Variants in GDNF observed in about 807,000 individuals in gnomAD.
GDNF encodes the protein glial cell derived neurotrophic factor.
Under a neutral mutation model 13.7 loss-of-function variants are expected in GDNF, and 5 were observed. The ratio of observed to expected loss-of-function variants is 0.36; its 90% CI spans 0.19 to 0.77. The LOEUF (loss-of-function observed/expected upper bound fraction) is 0.77, where lower values mean the gene tolerates loss of function less well. GDNF is among the 30% of genes least tolerant of loss of function. The pLI, the probability that GDNF is intolerant of heterozygous loss-of-function variation, is 0.51. For missense variants in GDNF, 246 were observed against 274.3 expected (o/e 0.90, Z 0.73); for synonymous variants, 122 against 112.5 (o/e 1.08, Z -0.53).
intron 2 of GDNF, among the ~76,000 whole-genome samples, chr5:37,831,547 G>C (rs1238940060): frequency 1.3e-5 from 2 of 152,148 alleles, no homozygotes; most frequent in Non-Finnish European, 2.9e-5. Context: ...TAAATCATTA[G>C]TTCAAGACCT....
intron 2 of GDNF, among the ~76,000 whole-genome samples, chr5:37,830,394 A>G (rs1237478662): frequency 2.6e-5 from 4 of 152,114 alleles, no homozygotes; most frequent in Non-Finnish European, 5.9e-5. Flanking sequence ...TGGGCTTGGA[A>G]ACTGGGGAAG....
intron 2 of GDNF, among the ~76,000 whole-genome samples, chr5:37,822,465 G>C (rs1750173820): frequency 6.6e-6 from 1 of 152,192 alleles, no homozygotes; most frequent in African/African-American, 2.4e-5. Context: ...GTGGCCAGAT[G>C]GTGGGGCTCA....
intron 1 of GDNF, chr5:37,835,293 G>A (rs968387896): frequency 2.4e-5 from 11 of 456,056 alleles, no homozygotes; most frequent in African/African-American, 2.0e-4. Context: ...GCCCAAGCAA[G>A]GACGGTGTTT....
rs79174336 is a variant in GDNF, at chr5:37,812,861, C to T, written c.*2790G>A. The T allele has an allele frequency of 2.6e-5, 4 of 152,314 alleles. No individual in the cohort carries two copies. Among genetic ancestry groups the T allele is most frequent in the East Asian group, 3.9e-4 (2 of 5,186 alleles). 9.4% of individuals were successfully genotyped at this position (152,314 alleles called of 1,614,324 possible). A position where few individuals can be genotyped will look rare whatever the true frequency, so the allele number is the denominator to read the frequency against. ...CGCAATGATAAAGAAAAATCACAAA[C>T]TTTACCCTTTTGTGGATTTGGTGGA... On this transcript the variant is annotated 3_prime_UTR_variant, in exon 3 of 3. Coordinates refer to ENST00000326524, the MANE Select transcript of GDNF (RefSeq NM_000514.4).
chr5:37,837,528 G>T lies in GDNF; in HGVS notation c.-27+1979C>A, dbSNP rs1157418184. Among the ~76,000 whole-genome samples the T allele has an allele frequency of 6.6e-6, 1 of 152,190 alleles. No homozygotes were observed. Among genetic ancestry groups the T allele is most frequent in the Non-Finnish European group, 1.5e-5 (1 of 68,034 alleles). ...CACAGAAGTGCTCGCAGAAGCAGCCGCTCGCCGCGAGGCACTTCTGAGTTC... is the reference window on the plus strand; with the variant it reads ...CACAGAAGTGCTCGCAGAAGCAGCCTCTCGCCGCGAGGCACTTCTGAGTTC... On this transcript the variant is annotated intron_variant, in intron 1 of 2. Coordinates refer to ENST00000326524, the MANE Select transcript of GDNF (RefSeq NM_000514.4). The surrounding 1 kb of genome is among the most constrained non-coding windows in gnomAD (Gnocchi z 6.5).
chr5:37,815,518 TCC>T lies in GDNF; in HGVS notation c.*131_*132del. On this transcript the variant is annotated 3_prime_UTR_variant, in exon 3 of 3. Transcript: ENST00000326524. The surrounding 1 kb of genome is among the most constrained non-coding windows in gnomAD (Gnocchi z 5.0). ...CTCCTCCTCCTCCTCCTCCTCCTCC[TCC>T]TCTTCTTCTTCCTCCTCCTCCGCCT... The T allele has an allele frequency of 1.4e-5, 11 of 791,892 alleles. No homozygotes were observed. The highest frequency in any genetic ancestry group is 6.0e-5 in the Admixed American group (3 of 50,106). 49.1% of individuals were successfully genotyped at this position (791,892 alleles called of 1,614,324 possible).
intron 2 of GDNF, among the ~76,000 whole-genome samples, chr5:37,829,861 T>C (rs1750457959): frequency 6.6e-6 from 1 of 152,192 alleles, no homozygotes; most frequent in African/African-American, 2.4e-5. Context: ...AATGAGAATA[T>C]TGGTCTCAGA....
intron 2 of GDNF, among the ~76,000 whole-genome samples, chr5:37,829,893 C>A (rs921979528): frequency 2.0e-5 from 3 of 152,140 alleles, no homozygotes; most frequent in African/African-American, 4.8e-5. Context: ...GAATCAGTGC[C>A]TCCTACAAGA....
At chr5:37,818,655 T>C (rs1035616857) in intron 2 of GDNF, among the ~76,000 whole-genome samples, 16 of 152,150 alleles carry the variant, frequency 1.1e-4, no homozygotes, top group African/African-American at 3.9e-4. Context: ...GGCAACACCA[T>C]CCCTTGAGAA....
chr5:37,819,285 C>A (rs1174056155), intron 2 of GDNF, among the ~76,000 whole-genome samples: 1 of 152,104 alleles, frequency 6.6e-6, no homozygotes, highest in Non-Finnish European at 1.5e-5. Context: ...TCATTGCCCA[C>A]CAGAGAGCTG....
At chr5:37,836,330 AC>A in intron 1 of GDNF, among the ~76,000 whole-genome samples, 1 of 151,306 alleles carries the variant, frequency 6.6e-6, no homozygotes, top group East Asian at 2.0e-4. Flanking sequence ...TCTACCCGGA[AC>A]CCCACTCCCT....
intron 2 of GDNF, among the ~76,000 whole-genome samples, chr5:37,825,549 TAAC>T: frequency 6.6e-6 from 1 of 152,236 alleles, no homozygotes; most frequent in East Asian, 1.9e-4. Flanking sequence ...ATAAAAAACT[TAAC>T]AGGGAAGGGT....
chr5:37,835,557 T>G, intron 1 of GDNF: 2 of 1,475,896 alleles, frequency 1.4e-6, no homozygotes, highest in South Asian at 1.2e-5. Flanking sequence ...TCCTCCCACC[T>G]CTTAAAGTTA....
chr5:37,823,015 A>T (rs1280499525), intron 2 of GDNF, among the ~76,000 whole-genome samples: 1 of 152,266 alleles, frequency 6.6e-6, no homozygotes, highest in Non-Finnish European at 1.5e-5. Context: ...AACTTAGATA[A>T]GAGCTTCCTT....
At chr5:37,836,348 G>A (rs1750703280) in intron 1 of GDNF, among the ~76,000 whole-genome samples, 1 of 152,048 alleles carries the variant, frequency 6.6e-6, no homozygotes, top group African/African-American at 2.4e-5. Context: ...CCCTGTCCCG[G>A]TGCAGGCAAC....
chr5:37,814,341 A>C lies in GDNF; in HGVS notation c.*1310T>G, dbSNP rs1022599092. 6.6e-6 allele frequency: 1 copy of C among 152,352 alleles called. No individual in the cohort carries two copies. Among genetic ancestry groups the C allele is most frequent in the Non-Finnish European group, 1.5e-5 (1 of 68,046 alleles). The allele number at this position is 152,352 out of a possible 1,614,324, so 9.4% of individuals were successfully genotyped here. Reference sequence around the variant, plus strand: ...GGAGCCCACGACATTTCTGTTCAGCAATGGAGCAAGGAAGAAATAAAGTCA... The same window carrying C: ...GGAGCCCACGACATTTCTGTTCAGCCATGGAGCAAGGAAGAAATAAAGTCA... On this transcript the variant is annotated 3_prime_UTR_variant, in exon 3 of 3. Transcript: ENST00000326524.
chr5:37,828,147 G>A (rs568922276), intron 2 of GDNF, among the ~76,000 whole-genome samples: 1 of 152,290 alleles, frequency 6.6e-6, no homozygotes, highest in East Asian at 1.9e-4. Flanking sequence ...AGTCACACTA[G>A]GTTCCTATGT....
intron 1 of GDNF, 169 bp from the exon 2 acceptor site, chr5:37,834,991 G>C (rs1178281679): frequency 6.4e-6 from 4 of 622,716 alleles, no homozygotes; most frequent in East Asian, 2.9e-5. Flanking sequence ...TCCCCAGTTC[G>C]CTTCTCCCTC....
At chr5:37,821,153 T>C (rs1750124578) in intron 2 of GDNF, among the ~76,000 whole-genome samples, 2 of 152,178 alleles carry the variant, frequency 1.3e-5, no homozygotes, top group African/African-American at 4.8e-5. Context: ...CTGGGCAGCC[T>C]CACTGAGCCT....
Sources: gnomAD v4.1 joint callset for allele counts (sites outside exome capture counted in the v4.1 genomes callset) on GRCh38, gnomAD v4.1.1 for gene constraint, Gnocchi (gnomAD v3.1) non-coding constraint, MANE v1.5 for transcripts, NCBI Gene and HGNC (gene_info 2026-07-23, HGNC 2026-07-21) for gene names.